The following TENM2 variants were observed in gnomAD, a reference collection of about 807,000 sequenced individuals.
TENM2 encodes the protein teneurin transmembrane protein 2.
In TENM2, 52 loss-of-function variants were observed where a neutral mutation model predicts 245.2. The observed-to-expected ratio is 0.21, with a 90% CI of 0.17 to 0.27. The LOEUF is 0.27. Among genes scored for constraint, TENM2 ranks in the 10% least tolerant of loss-of-function variants. The pLI is 1.00. For missense variants in TENM2, 3,046 were observed against 3,666.8 expected, an observed-to-expected ratio of 0.83 and a Z score of 4.37; for synonymous variants, 1,363 against 1,438.9, an observed-to-expected ratio of 0.95 and a Z score of 1.19.
intron 15 of TENM2, among the ~76,000 whole-genome samples, chr5:168,197,769 T>C (rs746583039): frequency 1.5e-3 from 222 of 151,556 alleles, no homozygotes; most frequent in Non-Finnish European, 2.6e-3. Context: ...AGGACACCTC[T>C]CTGTTAACGT....
chr5:168,193,229 T>A (rs1284844596), intron 14 of TENM2, among the ~76,000 whole-genome samples: 1 of 152,212 alleles, frequency 6.6e-6, no homozygotes, highest in Non-Finnish European at 1.5e-5. Context: ...AAGACATAGG[T>A]TGAAGTTCAG....
At chr5:167,580,498 G>A (rs1410448316) in intron 2 of TENM2, among the ~76,000 whole-genome samples, 1 of 152,188 alleles carries the variant, frequency 6.6e-6, no homozygotes, top group Non-Finnish European at 1.5e-5. Context: ...TCCTTGATAA[G>A]TTATTTATTT....
rs1450381772 is a variant in TENM2, at chr5:167,515,648, T to C, written c.502+140175T>C. Among the ~76,000 whole-genome samples the C allele has an allele frequency of 6.8e-5, 9 of 132,648 alleles. 1 individual carries two copies. The East Asian group carries it at 1.6e-3, about 23-fold the overall frequency. The allele number at this position is 132,648 out of a possible 152,430, so 87.0% of individuals were successfully genotyped here. A position where few individuals can be genotyped will look rare whatever the true frequency, so the allele number is the denominator to read the frequency against. ...ATATATACATATATATGTATATATA[T>C]ACACATATATACGTATATATGTGTA... On this transcript the variant is annotated intron_variant, in intron 2 of 28. Coordinates refer to ENST00000518659, the Ensembl canonical transcript of TENM2.
intron 2 of TENM2, among the ~76,000 whole-genome samples, chr5:167,479,028 G>A (rs1351338968): frequency 6.6e-6 from 1 of 152,040 alleles, no homozygotes; most frequent in Non-Finnish European, 1.5e-5. Context: ...GTGTTTATGT[G>A]TGTGTGTATC....
intron 1 of TENM2, among the ~76,000 whole-genome samples, chr5:167,331,322 A>C (rs1324182310): frequency 1.3e-5 from 2 of 152,174 alleles, no homozygotes; most frequent in Non-Finnish European, 2.9e-5. Context: ...ATTCTACTTA[A>C]ATATCAGTTG....
chr5:167,800,441 A>G (rs896294008), intron 2 of TENM2, among the ~76,000 whole-genome samples: 1 of 152,234 alleles, frequency 6.6e-6, no homozygotes, highest in Non-Finnish European at 1.5e-5. Flanking sequence ...CGCATTATCC[A>G]GGTGACTTGC....
chr5:168,085,445 G>A (rs1792366148), intron 7 of TENM2: 1 of 152,234 alleles, frequency 6.6e-6, no homozygotes, highest in South Asian at 2.1e-4. Flanking sequence ...GAAGCTCAGG[G>A]GCTGGTTCTT....
At chr5:167,553,943 G>C (rs944076857) in intron 2 of TENM2, among the ~76,000 whole-genome samples, 7 of 152,218 alleles carry the variant, frequency 4.6e-5, no homozygotes, top group African/African-American at 1.7e-4. Flanking sequence ...GGAGGAGGGC[G>C]AGATGGGGGT....
intron 2 of TENM2, among the ~76,000 whole-genome samples, chr5:167,492,956 A>T (rs974629009): frequency 4.6e-5 from 7 of 152,264 alleles, no homozygotes; most frequent in African/African-American, 1.7e-4. Flanking sequence ...AAGCTTGGCA[A>T]AATGTCAGCC....
intron 2 of TENM2, among the ~76,000 whole-genome samples, chr5:167,745,725 A>G (rs184029181): frequency 6.2e-4 from 95 of 152,282 alleles, no homozygotes; most frequent in African/African-American, 2.1e-3. Context: ...TTGTCTCTAT[A>G]AAAGTGAGGT....
chr5:167,323,090 C>T (rs2127774908), intron 1 of TENM2, among the ~76,000 whole-genome samples: 1 of 152,346 alleles, frequency 6.6e-6, no homozygotes, highest in Non-Finnish European at 1.5e-5. Context: ...GAATGACCCT[C>T]ACATCATAAA....
chr5:167,907,334 G>A (rs1178692978), intron 3 of TENM2, among the ~76,000 whole-genome samples: 1 of 151,252 alleles, frequency 6.6e-6, no homozygotes, highest in East Asian at 1.9e-4. Context: ...ACATTTACAT[G>A]TCAACTTTAA....
the TENM2 span, among the ~76,000 whole-genome samples, chr5:167,143,269 C>G: frequency 6.6e-6 from 1 of 152,160 alleles, no homozygotes; most frequent in Non-Finnish European, 1.5e-5. Flanking sequence ...AAATGGTTTG[C>G]TTGGCAAGAA....
At chr5:167,978,273 C>A (rs1380696488) in intron 4 of TENM2, among the ~76,000 whole-genome samples, 1 of 152,198 alleles carries the variant, frequency 6.6e-6, no homozygotes, top group Non-Finnish European at 1.5e-5. Context: ...CTAGGGAGAT[C>A]CCCCAAAGCT....
At chr5:167,439,834 C>T (rs1423635352) in intron 2 of TENM2, among the ~76,000 whole-genome samples, 1 of 152,134 alleles carries the variant, frequency 6.6e-6, no homozygotes, top group Non-Finnish European at 1.5e-5. Context: ...GCATTCTTAA[C>T]AACCTATATA....
At chr5:167,785,092 TAGAC>T (rs1319418327) in intron 2 of TENM2, among the ~76,000 whole-genome samples, 2 of 152,216 alleles carry the variant, frequency 1.3e-5, no homozygotes, top group East Asian at 3.8e-4. Flanking sequence ...ATTCTTAAAA[TAGAC>T]AGAATTTCTT....
the TENM2 span, among the ~76,000 whole-genome samples, chr5:167,041,967 C>CTT: frequency 6.6e-6 from 1 of 152,084 alleles, no homozygotes; most frequent in Non-Finnish European, 1.5e-5. Flanking sequence ...TATCTGATCC[C>CTT]TTTTTAACCC....
At chr5:167,714,949 C>G (rs1759160673) in intron 2 of TENM2, among the ~76,000 whole-genome samples, 2 of 152,170 alleles carry the variant, frequency 1.3e-5, no homozygotes, top group African/African-American at 4.8e-5. Context: ...AATTGAAAAC[C>G]TTCTACCCAT....
upstream of TENM2, chr5:167,284,748 T>C: frequency 2.0e-5 from 19 of 955,986 alleles, no homozygotes; most frequent in South Asian, 2.9e-4. Context: ...TTGGGTTTTT[T>C]CTTCTATGTT....
Sources: allele counts gnomAD v4.1 joint callset (sites outside exome capture counted in the v4.1 genomes callset), GRCh38; gene constraint gnomAD v4.1.1; transcripts MANE v1.5; gene names NCBI Gene and HGNC (gene_info 2026-07-23, HGNC 2026-07-21).